Variants in LIN52 observed in about 807,000 individuals in gnomAD.
LIN52 encodes protein lin-52 homolog.
Under a neutral mutation model 18.5 loss-of-function variants are expected in LIN52, and 4 were observed. That is an observed-to-expected ratio of 0.22 (90% CI 0.11 to 0.49). LIN52 has a LOEUF of 0.49. Among genes scored for constraint, LIN52 ranks in the 20% least tolerant of loss-of-function variants. The pLI is 0.97. For synonymous variants in LIN52, 34 were observed against 45.5 expected, an observed-to-expected ratio of 0.75 and a Z score of 1.02; for missense variants, 102 against 139.5, an observed-to-expected ratio of 0.73 and a Z score of 1.35.
At chr14:74,099,474 G>C (rs2060838652) in intron 4 of LIN52, among the ~76,000 whole-genome samples, 1 of 152,224 alleles carries the variant, frequency 6.6e-6, no homozygotes, top group East Asian at 1.9e-4. Context: ...TAAATTTTTA[G>C]TGAGGGATCA....
intron 5 of LIN52, among the ~76,000 whole-genome samples, chr14:74,137,498 C>CTCTTTTTTTTTTTT (rs776969152): frequency 6.4e-4 from 71 of 111,594 alleles, no homozygotes; most frequent in East Asian, 2.7e-3. Context: ...CAGCAGCTCT[C>CTCTTTTTTTTTTTT]TTTTTTTTTT....
chr14:74,116,567 G>T (rs960624538), intron 5 of LIN52, among the ~76,000 whole-genome samples: 2 of 151,908 alleles, frequency 1.3e-5, no homozygotes, highest in African/African-American at 4.8e-5. Flanking sequence ...TTAGTCACTC[G>T]TAGTGGTGGA....
In LIN52 at chr14:74,196,011, C is replaced by G. The variant is rs114505844; in HGVS notation, c.284-2911C>G. On this transcript the variant is annotated intron_variant, in intron 5 of 5. Coordinates refer to ENST00000555028, the MANE Select transcript of LIN52 (RefSeq NM_001024674.3). ...AGCATCTGATTTATAGGGCACAGCCCTCTTTTAGGGAGCGGCTGTGTCATA... is the reference window on the plus strand; with the variant it reads ...AGCATCTGATTTATAGGGCACAGCCGTCTTTTAGGGAGCGGCTGTGTCATA... Among the ~76,000 whole-genome samples, 732 of 152,272 alleles carry G rather than the reference C, an allele frequency of 4.8e-3. 2 individuals are homozygous for G. Among genetic ancestry groups the G allele is most frequent in the African/African-American group, 0.017 (707 of 41,546 alleles).
intron 2 of LIN52, among the ~76,000 whole-genome samples, chr14:74,092,544 G>A (rs2139851647): frequency 6.6e-6 from 1 of 151,528 alleles, no homozygotes. Flanking sequence ...GATCTCAGGT[G>A]ATCCACCCAC....
At chr14:74,090,442 TCTC>T (rs1396869503) in intron 1 of LIN52, among the ~76,000 whole-genome samples, 1 of 151,908 alleles carries the variant, frequency 6.6e-6, no homozygotes, top group Non-Finnish European at 1.5e-5. Context: ...TTTAAGCAAT[TCTC>T]CTCCCTCAGC....
At chr14:74,103,024 C>T (rs574834799) in intron 5 of LIN52, among the ~76,000 whole-genome samples, 174 of 152,212 alleles carry the variant, frequency 1.1e-3, no homozygotes, top group African/African-American at 4.0e-3. Context: ...ACCCCATTGC[C>T]GAGTAACTTT....
At chr14:74,119,806 C>T (rs2060988733) in intron 5 of LIN52, among the ~76,000 whole-genome samples, 3 of 150,808 alleles carry the variant, frequency 2.0e-5, no homozygotes, top group Admixed American at 6.6e-5. Flanking sequence ...GCCCATTGCC[C>T]ATCTTTAAAA....
chr14:74,158,572 G>A (rs376291155), intron 5 of LIN52, among the ~76,000 whole-genome samples: 4 of 152,140 alleles, frequency 2.6e-5, no homozygotes, highest in African/African-American at 7.2e-5. Context: ...TCCACCTCCC[G>A]GGTTCAAGTG....
At chr14:74,089,196 G>A (rs756312358) in intron 1 of LIN52, among the ~76,000 whole-genome samples, 1 of 152,060 alleles carries the variant, frequency 6.6e-6, no homozygotes, top group African/African-American at 2.4e-5. Flanking sequence ...AGGTAGAAAC[G>A]ACTAGATTTA....
chr14:74,136,494 G>A (rs906846302), intron 5 of LIN52, among the ~76,000 whole-genome samples: 1 of 152,148 alleles, frequency 6.6e-6, no homozygotes, highest in African/African-American at 2.4e-5. Flanking sequence ...CACAGGGGAA[G>A]CATTTTTCTT....
intron 5 of LIN52, among the ~76,000 whole-genome samples, chr14:74,125,467 G>A (rs926396523): frequency 6.6e-6 from 1 of 151,964 alleles, no homozygotes; most frequent in African/African-American, 2.4e-5. Flanking sequence ...GGGGTTGTTT[G>A]TTTTTTTCTT....
chr14:74,176,975 A>G (rs2061297003), intron 5 of LIN52, among the ~76,000 whole-genome samples: 1 of 151,214 alleles, frequency 6.6e-6, no homozygotes, highest in Non-Finnish European at 1.5e-5. Flanking sequence ...TTATTCATTC[A>G]TCAGTGGGAC....
At chr14:74,128,708 G>A (rs1158387597) in intron 5 of LIN52, among the ~76,000 whole-genome samples, 3 of 152,190 alleles carry the variant, frequency 2.0e-5, no homozygotes, top group African/African-American at 4.8e-5. Flanking sequence ...TTGGGAGGCT[G>A]AGACAGGCAG....
chr14:74,128,227 G>A (rs2061038983), intron 5 of LIN52, among the ~76,000 whole-genome samples: 1 of 152,152 alleles, frequency 6.6e-6, no homozygotes, highest in Non-Finnish European at 1.5e-5. Context: ...AGAGGCTGGT[G>A]GGCTTCCTGA....
chr14:74,181,783 G>T (rs1049586071), intron 5 of LIN52, among the ~76,000 whole-genome samples: 16 of 152,208 alleles, frequency 1.1e-4, no homozygotes, highest in East Asian at 3.9e-4. Flanking sequence ...TGAAAAAACA[G>T]AAAGTTTACT....
intron 5 of LIN52, among the ~76,000 whole-genome samples, chr14:74,183,139 C>T (rs940475902): frequency 2.0e-5 from 3 of 151,466 alleles, no homozygotes; most frequent in African/African-American, 7.3e-5. Context: ...ACTCTGTCGC[C>T]CAGGCTGGAG....
At chr14:74,119,523 A>G (rs2139920050) in intron 5 of LIN52, among the ~76,000 whole-genome samples, 1 of 152,290 alleles carries the variant, frequency 6.6e-6, no homozygotes, top group Admixed American at 6.5e-5. Flanking sequence ...TCATAGGGGT[A>G]TATGTATATT....
intron 3 of LIN52, among the ~76,000 whole-genome samples, chr14:74,097,204 A>G (rs1166926005): frequency 1.3e-5 from 2 of 152,172 alleles, no homozygotes; most frequent in Admixed American, 6.5e-5. Flanking sequence ...AATTTCATTC[A>G]TTGCTATACT....
chr14:74,137,347 A>G (rs2061103439), intron 5 of LIN52, among the ~76,000 whole-genome samples: 2 of 151,576 alleles, frequency 1.3e-5, no homozygotes, highest in Non-Finnish European at 2.9e-5. Flanking sequence ...AAAATCTAAT[A>G]TATTTTCACA....
Sources: gnomAD v4.1 joint callset for allele counts (sites outside exome capture counted in the v4.1 genomes callset) on GRCh38, gnomAD v4.1.1 for gene constraint, MANE v1.5 for transcripts, NCBI Gene and HGNC (gene_info 2026-07-23, HGNC 2026-07-21) for gene names.